Variants in TENM4 observed in about 807,000 individuals in gnomAD.
TENM4 encodes teneurin-4.
A neutral mutation model predicts 243.3 loss-of-function variants in TENM4; 82 were observed. The ratio of observed to expected loss-of-function variants is 0.34; its 90% CI spans 0.28 to 0.40. The LOEUF is 0.40. TENM4 is among the 10% of genes least tolerant of loss of function. The pLI is 1.00. For missense variants in TENM4, 3,138 were observed against 3,673.3 expected (o/e 0.85, Z 3.77); for synonymous variants, 1,412 against 1,456.3 (o/e 0.97, Z 0.69).
chr11:79,150,042 C>T (rs1862473271), intron 3 of TENM4, among the ~76,000 whole-genome samples: 1 of 152,178 alleles, frequency 6.6e-6, no homozygotes, highest in South Asian at 2.1e-4. Flanking sequence ...AAAGGACACA[C>T]ACCAGTTGGT....
intron 3 of TENM4, among the ~76,000 whole-genome samples, chr11:79,209,444 C>T (rs923468262): frequency 6.6e-6 from 1 of 152,194 alleles, no homozygotes; most frequent in African/African-American, 2.4e-5. Flanking sequence ...GTTCCCAGCA[C>T]AATCTGTGGC....
chr11:78,801,835 C>G (rs1269460832), intron 15 of TENM4, among the ~76,000 whole-genome samples: 1 of 152,212 alleles, frequency 6.6e-6, no homozygotes, highest in East Asian at 1.9e-4. Context: ...TCTGTGCCAG[C>G]TCTGCCATGC....
chr11:79,104,799 G>A (rs370831902), intron 4 of TENM4, among the ~76,000 whole-genome samples: 2 of 152,276 alleles, frequency 1.3e-5, no homozygotes, highest in Non-Finnish European at 1.5e-5. Flanking sequence ...ACAGGTGAGC[G>A]ATCCTACTGT....
Position 78,829,603 on chromosome 11 carries a change from C to T in TENM4, c.1682-15208G>A, listed in dbSNP as rs147594932. Reference sequence around the variant, plus strand: ...AATGGAGAATGCACCAGCTTGCAGGCTTCAGAATGAGACTCTGGGGGTTCT... The same window carrying T: ...AATGGAGAATGCACCAGCTTGCAGGTTTCAGAATGAGACTCTGGGGGTTCT... On this transcript the variant is annotated intron_variant, in intron 12 of 33. Coordinates refer to ENST00000278550, the MANE Select transcript of TENM4 (RefSeq NM_001098816.3). Among the ~76,000 whole-genome samples the T allele has an allele frequency of 9.8e-5, 15 of 152,308 alleles. No individual in the cohort carries two copies. In the East Asian group the frequency reaches 2.9e-3, roughly 29 times the overall value.
intron 4 of TENM4, among the ~76,000 whole-genome samples, chr11:79,130,719 A>T (rs1861986196): frequency 6.6e-6 from 1 of 152,132 alleles, no homozygotes; most frequent in East Asian, 1.9e-4. Flanking sequence ...GCTACTTGGG[A>T]GGCTGAGGCA....
chr11:79,236,926 G>A (rs144089664), intron 2 of TENM4, among the ~76,000 whole-genome samples: 9 of 152,162 alleles, frequency 5.9e-5, no homozygotes, highest in East Asian at 3.9e-4. Flanking sequence ...TCTGGTTCCC[G>A]GAATGTTGAG....
intron 1 of TENM4, among the ~76,000 whole-genome samples, chr11:79,433,615 C>T (rs1410475724): frequency 1.3e-5 from 2 of 152,168 alleles, no homozygotes; most frequent in Non-Finnish European, 2.9e-5. Flanking sequence ...AACCAATTGC[C>T]TCTGATACCC....
At chr11:78,783,898 G>C (rs1016878273) in intron 16 of TENM4, among the ~76,000 whole-genome samples, 3 of 152,160 alleles carry the variant, frequency 2.0e-5, no homozygotes, top group Admixed American at 6.5e-5. Context: ...CTTAACGCTG[G>C]GGACTTGGCC....
intron 2 of TENM4, among the ~76,000 whole-genome samples, chr11:79,235,039 C>T (rs1404169128): frequency 2.0e-5 from 3 of 152,108 alleles, no homozygotes; most frequent in African/African-American, 4.8e-5. Flanking sequence ...ACTGGCCAGG[C>T]GCGGTGACTC....
intron 4 of TENM4, among the ~76,000 whole-genome samples, chr11:79,114,794 C>T (rs930181977): frequency 2.6e-5 from 4 of 152,198 alleles, no homozygotes; most frequent in African/African-American, 9.7e-5. Context: ...TAGAAGCCCT[C>T]TGGATTGTTG....
At position 78,707,629 on chromosome 11, in the gene TENM4, CCTTTT is replaced by C. The variant is rs1481207227; in HGVS notation, c.4209+727_4209+731del. On this transcript the variant is annotated intron_variant, in intron 27 of 33. Coordinates refer to ENST00000278550, the MANE Select transcript of TENM4 (RefSeq NM_001098816.3). ...GCTGTTTCCTTTGTGTGAAATGTCTCCTTTTCTTTCTTGCCACTCAGCAAACCCCT... is the reference window on the plus strand; with the variant it reads ...GCTGTTTCCTTTGTGTGAAATGTCTCCTTTCTTGCCACTCAGCAAACCCCT... 3.9e-5 allele frequency among the ~76,000 whole-genome samples: 6 copies of C among 152,352 alleles called. No individual in the cohort carries two copies. In the East Asian group the frequency reaches 1.2e-3, roughly 29 times the overall value.
intron 3 of TENM4, among the ~76,000 whole-genome samples, chr11:79,198,825 G>A (rs1863686721): frequency 6.6e-6 from 1 of 152,208 alleles, no homozygotes. Flanking sequence ...GCAGGGAGAT[G>A]ATGGCACTTG....
At chr11:79,260,434 T>TA (rs1481760582) in intron 2 of TENM4, among the ~76,000 whole-genome samples, 31 of 152,352 alleles carry the variant, frequency 2.0e-4, no homozygotes, top group Middle Eastern at 6.8e-3. Context: ...TATATTATCT[T>TA]ACTTAGCTTT....
chr11:78,942,060 T>A (rs1205123178), intron 6 of TENM4, among the ~76,000 whole-genome samples: 2 of 149,082 alleles, frequency 1.3e-5, no homozygotes, highest in African/African-American at 5.0e-5. Flanking sequence ...AGAAAAATTG[T>A]CTTGGGCCAC....
chr11:79,105,550 C>T (rs1861344996), intron 4 of TENM4, among the ~76,000 whole-genome samples: 4 of 152,218 alleles, frequency 2.6e-5, no homozygotes, highest in Non-Finnish European at 1.5e-5. Context: ...CTTTGTTGCT[C>T]CTGATGCTGG....
intron 4 of TENM4, among the ~76,000 whole-genome samples, chr11:79,146,485 A>G (rs1862397342): frequency 1.3e-5 from 2 of 152,212 alleles, no homozygotes; most frequent in South Asian, 2.1e-4. Context: ...CACCTCTGAA[A>G]TTAGCCCTTT....
intron 6 of TENM4, among the ~76,000 whole-genome samples, chr11:79,045,411 G>A (rs1231428688): frequency 6.6e-6 from 1 of 152,206 alleles, no homozygotes; most frequent in Admixed American, 6.5e-5. Context: ...GATCAGGAAG[G>A]GGCTTGGTGC....
At chr11:79,032,483 G>A (rs372476399) in intron 6 of TENM4, among the ~76,000 whole-genome samples, 2 of 152,180 alleles carry the variant, frequency 1.3e-5, no homozygotes, top group Non-Finnish European at 2.9e-5. Context: ...CTTTTTCTAT[G>A]AGAAAGAGCC....
chr11:78,737,369 G>A (rs1855824983), intron 20 of TENM4, among the ~76,000 whole-genome samples: 2 of 152,216 alleles, frequency 1.3e-5, no homozygotes, highest in African/African-American at 2.4e-5. Flanking sequence ...TTCACATGGA[G>A]TGAGAGGTGG....
Sources: gnomAD v4.1 joint callset for allele counts (sites outside exome capture counted in the v4.1 genomes callset) on GRCh38, gnomAD v4.1.1 for gene constraint, MANE v1.5 for transcripts, NCBI Gene and HGNC (gene_info 2026-07-23, HGNC 2026-07-21) for gene names.